The following PHTF1 variants were observed in gnomAD, a reference collection of about 807,000 sequenced individuals.
PHTF1 encodes the protein protein PHTF1.
In PHTF1, 88 loss-of-function variants were observed where a neutral mutation model predicts 102.4. The observed-to-expected ratio is 0.86, with a 90% CI of 0.72 to 1.03. PHTF1 has a LOEUF of 1.03. PHTF1 is among the 50% of genes least tolerant of loss of function. The pLI is 0.00. For synonymous variants in PHTF1, 289 were observed against 305.2 expected, an observed-to-expected ratio of 0.95 and a Z score of 0.55; for missense variants, 814 against 909.5, an observed-to-expected ratio of 0.89 and a Z score of 1.35.
At chr1:113,749,078 C>A (rs984983811) in intron 3 of PHTF1, among the ~76,000 whole-genome samples, 5 of 152,176 alleles carry the variant, frequency 3.3e-5, no homozygotes, top group African/African-American at 1.2e-4. Flanking sequence ...TTCAAGAATA[C>A]AACATACTAA....
At chr1:113,750,657 G>A (rs1435789487) in intron 3 of PHTF1, among the ~76,000 whole-genome samples, 3 of 150,784 alleles carry the variant, frequency 2.0e-5, no homozygotes, top group African/African-American at 7.3e-5. Flanking sequence ...AAGAGATCGA[G>A]CCATCCTGGC....
intron 12 of PHTF1, 83 bp from the exon 13 acceptor site, chr1:113,706,245 C>T (rs2101116648): frequency 9.1e-7 from 1 of 1,101,308 alleles, no homozygotes; most frequent in East Asian, 2.4e-5. Flanking sequence ...ACTATTTAGA[C>T]TATTAAAAAC....
intron 2 of PHTF1, 57 bp from the exon 3 acceptor site, chr1:113,757,812 A>G: frequency 9.1e-7 from 1 of 1,094,786 alleles, no homozygotes; most frequent in East Asian, 2.4e-5. Flanking sequence ...TTACATTATT[A>G]AGTCAAGCCT....
chr1:113,749,101 A>G (rs757422013), intron 3 of PHTF1, among the ~76,000 whole-genome samples: 3 of 152,192 alleles, frequency 2.0e-5, no homozygotes, highest in Non-Finnish European at 2.9e-5. Context: ...ATAGTCACCA[A>G]TGTTATACAA....
intron 3 of PHTF1, chr1:113,749,689 C>T (rs1657731692): frequency 6.6e-6 from 1 of 152,214 alleles, no homozygotes; most frequent in African/African-American, 2.4e-5. Context: ...ACAATCCTGT[C>T]TTTAGTTCTT....
rs142708919 is a variant in PHTF1, at chr1:113,732,819, C to A, written c.331+5291G>T. The stretch of plus-strand genomic sequence containing the variant: ...TGTGGAAAAAATACTTAATTTTACC[C>A]TTACAAGTGACCAAGGAAATTCATA... On this transcript the variant is annotated intron_variant, in intron 5 of 18. Coordinates refer to ENST00000369604, the MANE Select transcript of PHTF1 (RefSeq NM_001323043.2). 6.4e-4 allele frequency among the ~76,000 whole-genome samples: 98 copies of A among 152,186 alleles called. 1 individual carries two copies. Among genetic ancestry groups the A allele is most frequent in the South Asian group, 1.7e-3 (8 of 4,822 alleles).
At chr1:113,741,514 A>T (rs981410563) in intron 3 of PHTF1, among the ~76,000 whole-genome samples, 1 of 152,226 alleles carries the variant, frequency 6.6e-6, no homozygotes, top group Admixed American at 6.5e-5. Context: ...CTTTCTGGAC[A>T]TTTGTACCAG....
chr1:113,713,468 AT>A (rs1557920323), intron 7 of PHTF1, 30 bp from the exon 8 acceptor site: 1 of 1,313,306 alleles, frequency 7.6e-7, no homozygotes, highest in Non-Finnish European at 1.1e-6. Context: ...AAGAAGATTA[AT>A]TTTTTGAAAG....
At chr1:113,739,082 AC>A (rs1200104776) in intron 3 of PHTF1, among the ~76,000 whole-genome samples, 6 of 152,160 alleles carry the variant, frequency 3.9e-5, no homozygotes, top group Non-Finnish European at 8.8e-5. Flanking sequence ...CAAACTCCTG[AC>A]CTCAGGTGAT....
chr1:113,713,253 C>T (rs1651432128), intron 8 of PHTF1, 26 bp downstream of exon 8: 2 of 1,603,712 alleles, frequency 1.2e-6, no homozygotes, highest in African/African-American at 1.3e-5. Context: ...GAAAAAAACC[C>T]CTTGTTAAAT....
At chr1:113,758,852 T>C (rs1286260437) in intron 1 of PHTF1, 119 bp from the exon 2 acceptor site, 1 of 1,343,564 alleles carries the variant, frequency 7.4e-7, no homozygotes, top group African/African-American at 1.5e-5. Flanking sequence ...TCTCCAGCTG[T>C]TTGCCAGGGA....
At position 113,735,365 on chromosome 1, in the gene PHTF1, C is replaced by CAAAAA. The variant is rs749964684; in HGVS notation, c.331+2740_331+2744dup. Among the ~76,000 whole-genome samples, 77 of 28,436 alleles carry CAAAAA rather than the reference C, an allele frequency of 2.7e-3. 22 individuals are homozygous for CAAAAA. The highest frequency in any genetic ancestry group is 4.7e-3 in the African/African-American group (36 of 7,662). The allele number at this position is 28,436 out of a possible 152,430, so 18.7% of individuals were successfully genotyped here. A position where few individuals can be genotyped will look rare whatever the true frequency, so the allele number is the denominator to read the frequency against. On this transcript the variant is annotated intron_variant, in intron 5 of 18. Coordinates refer to ENST00000369604, the MANE Select transcript of PHTF1 (RefSeq NM_001323043.2). Reference sequence around the variant, plus strand: ...TGGACAACAGAATGAGACTCTGTCTCAAAAAAAAAAAAAAAAAAAAAAAAA... The same window carrying CAAAAA: ...TGGACAACAGAATGAGACTCTGTCTCAAAAAAAAAAAAAAAAAAAAAAAAAAAAAA...
At chr1:113,742,723 G>A (rs1571225672) in intron 3 of PHTF1, among the ~76,000 whole-genome samples, 1 of 152,176 alleles carries the variant, frequency 6.6e-6, no homozygotes, top group Admixed American at 6.5e-5. Context: ...GTCAGTGAGT[G>A]AGTGGTAAAT....
chr1:113,728,790 T>A (rs1348255976), intron 5 of PHTF1, among the ~76,000 whole-genome samples: 1 of 152,144 alleles, frequency 6.6e-6, no homozygotes, highest in Non-Finnish European at 1.5e-5. Flanking sequence ...GCACCTGTAA[T>A]CCCAGCTACT....
upstream of PHTF1, among the ~76,000 whole-genome samples, chr1:113,759,756 T>TA (rs1659441033): frequency 6.6e-6 from 1 of 152,264 alleles, no homozygotes; most frequent in African/African-American, 2.4e-5. Flanking sequence ...TCGGTCCTGA[T>TA]ACTCTAGTAG....
At chr1:113,706,790 G>A in intron 11 of PHTF1, 68 bp from the exon 12 acceptor site, 1 of 1,177,442 alleles carries the variant, frequency 8.5e-7, no homozygotes, top group Non-Finnish European at 1.2e-6. Context: ...TCTTTCCCAG[G>A]CTCCATTCAT....
rs1648881067 is a variant in PHTF1 at position 113,696,939 on chromosome 1, T to G, written c.*766A>C. 6.6e-6 allele frequency: 1 copy of G among 152,202 alleles called. No individual in the cohort carries two copies. The highest frequency in any genetic ancestry group is 1.5e-5 in the Non-Finnish European group (1 of 68,038). The allele number at this position is 152,202 out of a possible 1,614,324, so 9.4% of individuals were successfully genotyped here. A position where few individuals can be genotyped will look rare whatever the true frequency, so the allele number is the denominator to read the frequency against. On this transcript the variant is annotated 3_prime_UTR_variant, in exon 19 of 19. Coordinates refer to ENST00000369604, the MANE Select transcript of PHTF1 (RefSeq NM_001323043.2). ...ACTGTGTTAGGAACCACAACTCAGA[T>G]GATCTATATGGAAACAATGCTTCCA...
rs746535381 is a variant in PHTF1 at position 113,706,158 on chromosome 1, T to C, written c.1403A>G (p.Asn468Ser). The C allele has an allele frequency of 1.2e-5, 19 of 1,597,858 alleles. No individual in the cohort carries two copies. The highest frequency in any genetic ancestry group is 1.8e-5 in the Admixed American group (1 of 56,624). ...ATAACCTACTCCTTGCTGATAGGCA[T>C]TGACCTGTGAATTAATTTAAAATTT... ...EISGIIMSRV[N>S]AYQQGVGYQM... Residue 468 changes from asparagine to serine, a missense_variant, in exon 13 of 19, where the codon AAT (asparagine) becomes AGT (serine). Coordinates refer to ENST00000369604, the MANE Select transcript of PHTF1 (RefSeq NM_001323043.2).
rs199798741 is a variant in PHTF1, at chr1:113,758,641, A to AT, written c.45+17_45+18insA. 1,077 of 1,430,776 alleles carry AT rather than the reference A, an allele frequency of 7.5e-4. No homozygotes were observed. Among genetic ancestry groups the AT allele is most frequent in the African/African-American group, 5.2e-3 (360 of 69,344 alleles). 88.6% of individuals were successfully genotyped at this position (1,430,776 alleles called of 1,614,324 possible). A position where few individuals can be genotyped will look rare whatever the true frequency, so the allele number is the denominator to read the frequency against. ...GGAAGAATGCTTTACAAATAAAAAA[A>AT]ATATATATATGTATTACCTTCTTTT... On this transcript the variant is annotated intron_variant, in intron 2 of 18. Coordinates refer to ENST00000369604, the MANE Select transcript of PHTF1 (RefSeq NM_001323043.2).
Sources: allele counts gnomAD v4.1 joint callset (sites outside exome capture counted in the v4.1 genomes callset), GRCh38; gene constraint gnomAD v4.1.1; transcripts MANE v1.5; gene names NCBI Gene and HGNC (gene_info 2026-07-23, HGNC 2026-07-21).